MAPK10: variants seen among roughly 807,000 people sequenced by gnomAD.
The protein encoded by MAPK10 is JNK3 alpha protein kinase.
MAPK10 carries 25 observed loss-of-function variants against 59.3 expected under a neutral mutation model. That is an observed-to-expected ratio of 0.42 (90% confidence interval 0.31 to 0.59). The LOEUF is 0.59. Among genes scored for constraint, MAPK10 ranks in the 20% least tolerant of loss-of-function variants. MAPK10 has a pLI of 0.15. For missense variants in MAPK10, 351 were observed against 568.9 expected (o/e 0.62, Z 3.90); for synonymous variants, 190 against 200.5 (o/e 0.95, Z 0.44).
upstream of MAPK10, among the ~76,000 whole-genome samples, chr4:86,361,468 G>T (rs770771904): frequency 1.3e-5 from 2 of 152,102 alleles, no homozygotes; most frequent in African/African-American, 2.4e-5. Flanking sequence ...TGGCATTCTG[G>T]CTTTTGAGGT....
intron 2 of MAPK10, chr4:86,326,060 A>G (rs1355402425): frequency 6.6e-6 from 1 of 152,162 alleles, no homozygotes; most frequent in Non-Finnish European, 1.5e-5. Context: ...AAAATACAGC[A>G]ATATTTTTGT....
intron 1 of MAPK10, among the ~76,000 whole-genome samples, chr4:86,591,414 C>T (rs1421237373): frequency 2.6e-5 from 4 of 152,002 alleles, no homozygotes; most frequent in African/African-American, 7.3e-5. Flanking sequence ...CACTCTGTTG[C>T]CCAGGCTGTA....
At chr4:86,169,462 C>T (rs998348432) in intron 3 of MAPK10, among the ~76,000 whole-genome samples, 4 of 152,020 alleles carry the variant, frequency 2.6e-5, no homozygotes, top group African/African-American at 4.8e-5. Flanking sequence ...GAAAGGATAT[C>T]AGCAATGGAA....
chr4:86,294,541 AAAAAG>A (rs2095309308), intron 2 of MAPK10, among the ~76,000 whole-genome samples: 5 of 152,186 alleles, frequency 3.3e-5, no homozygotes. Flanking sequence ...AAGAAAAAAA[AAAAAG>A]AAAACTTCAA....
At chr4:86,578,356 A>G (rs149482118) in intron 1 of MAPK10, among the ~76,000 whole-genome samples, 1 of 152,298 alleles carries the variant, frequency 6.6e-6, no homozygotes, top group African/African-American at 2.4e-5. Context: ...GCAGTGGGAG[A>G]GCTGGGATTT....
chr4:86,030,575 C>A (rs1433756404), intron 12 of MAPK10, among the ~76,000 whole-genome samples: 1 of 152,064 alleles, frequency 6.6e-6, no homozygotes, highest in African/African-American at 2.4e-5. Flanking sequence ...TCAAGTGATC[C>A]CCCAGCCTCA....
intron 1 of MAPK10, among the ~76,000 whole-genome samples, chr4:86,480,571 C>T (rs1753527296): frequency 6.6e-6 from 1 of 152,134 alleles, no homozygotes; most frequent in South Asian, 2.1e-4. Flanking sequence ...TACTCCCTCC[C>T]ACCCTGACAC....
chr4:86,174,225 C>T (rs1346022941), intron 3 of MAPK10, among the ~76,000 whole-genome samples: 2 of 152,108 alleles, frequency 1.3e-5, no homozygotes, highest in East Asian at 1.9e-4. Context: ...AACCCAAATG[C>T]CCATTAATAA....
intron 1 of MAPK10, among the ~76,000 whole-genome samples, chr4:86,579,904 C>G (rs1762149133): frequency 6.6e-6 from 1 of 152,144 alleles, no homozygotes; most frequent in African/African-American, 2.4e-5. Flanking sequence ...ACCTCAAACT[C>G]CTAGGCTCAA....
At chr4:86,222,070 C>G (rs534215467) in intron 2 of MAPK10, among the ~76,000 whole-genome samples, 2 of 152,308 alleles carry the variant, frequency 1.3e-5, no homozygotes, top group South Asian at 4.2e-4. Context: ...GACATGCCAG[C>G]TTCCCCTTCA....
At chr4:86,373,137 T>G (rs943152207) in intron 1 of MAPK10, among the ~76,000 whole-genome samples, 8 of 151,914 alleles carry the variant, frequency 5.3e-5, no homozygotes, top group East Asian at 1.9e-4. Context: ...TCAACAAACC[T>G]CACAAAAATA....
chr4:86,345,292 C>G (rs1054278097), intron 2 of MAPK10, among the ~76,000 whole-genome samples: 3 of 152,158 alleles, frequency 2.0e-5, no homozygotes, highest in African/African-American at 7.2e-5. Context: ...TCATCTCATT[C>G]TTTAATTCAA....
At chr4:86,367,378 T>C (rs1422045876) in intron 1 of MAPK10, among the ~76,000 whole-genome samples, 3 of 152,250 alleles carry the variant, frequency 2.0e-5, no homozygotes, top group East Asian at 3.9e-4. Context: ...GAATATAAGA[T>C]TTCCCCAAGT....
intron 2 of MAPK10, among the ~76,000 whole-genome samples, chr4:86,270,206 T>C (rs1175390217): frequency 1.3e-5 from 2 of 152,046 alleles, no homozygotes; most frequent in African/African-American, 4.8e-5. Flanking sequence ...AAATTTGGGA[T>C]CTTACTGTTC....
At chr4:86,189,131 G>A (rs2079033248) in intron 3 of MAPK10, among the ~76,000 whole-genome samples, 1 of 152,158 alleles carries the variant, frequency 6.6e-6, no homozygotes, top group Non-Finnish European at 1.5e-5. Context: ...GCACCATGCT[G>A]TTTTGGTTAC....
At chr4:86,324,284 G>T (rs975531539) in intron 2 of MAPK10, among the ~76,000 whole-genome samples, 1 of 152,036 alleles carries the variant, frequency 6.6e-6, no homozygotes, top group East Asian at 1.9e-4. Context: ...GGTGGTGCCT[G>T]CCTGTAATCC....
intron 2 of MAPK10, among the ~76,000 whole-genome samples, chr4:86,342,609 A>C (rs139983347): frequency 6.6e-6 from 1 of 152,244 alleles, no homozygotes; most frequent in Non-Finnish European, 1.5e-5. Context: ...TACATTTTAC[A>C]TATGGAGAAA....
chr4:86,031,870 A>G (rs2148919032), intron 11 of MAPK10: 1 of 158,066 alleles, frequency 6.3e-6, no homozygotes, highest in East Asian at 1.8e-4. Context: ...GACCTTCCCT[A>G]AAGAAAAGTT....
chr4:86,379,012 G>A (rs773155486), intron 1 of MAPK10, among the ~76,000 whole-genome samples: 4 of 152,182 alleles, frequency 2.6e-5, no homozygotes, highest in Non-Finnish European at 4.4e-5. Context: ...CAGTCTGGTG[G>A]GATGAGGTAA....
Sources: gnomAD v4.1 joint callset for allele counts (sites outside exome capture counted in the v4.1 genomes callset) on GRCh38, gnomAD v4.1.1 for gene constraint, MANE v1.5 for transcripts, NCBI Gene and HGNC (gene_info 2026-07-23, HGNC 2026-07-21) for gene names.